KCND2: variants seen among roughly 807,000 people sequenced by gnomAD.
The protein encoded by KCND2 is potassium voltage-gated channel subfamily D member 2.
A neutral mutation model predicts 54.4 loss-of-function variants in KCND2; 16 were observed. That is an observed-to-expected ratio of 0.29 (90% CI 0.20 to 0.45). The LOEUF is 0.45. Among genes scored for constraint, KCND2 ranks in the 20% least tolerant of loss-of-function variants. The pLI is 1.00. For missense variants in KCND2, 486 were observed against 824.2 expected, an observed-to-expected ratio of 0.59 and a Z score of 5.02; for synonymous variants, 317 against 310.7, an observed-to-expected ratio of 1.02 and a Z score of -0.21.
chr7:120,450,366 G>A (rs376682973), intron 1 of KCND2, among the ~76,000 whole-genome samples: 7 of 152,110 alleles, frequency 4.6e-5, no homozygotes, highest in East Asian at 1.9e-4. Context: ...CCGAGATCGC[G>A]TCACTGCACT....
intron 1 of KCND2, among the ~76,000 whole-genome samples, chr7:120,480,146 A>C (rs2116278372): frequency 6.6e-6 from 1 of 152,150 alleles, no homozygotes; most frequent in Non-Finnish European, 1.5e-5. Context: ...AAATATAAAA[A>C]ATTATCTATT....
chr7:120,358,744 C>CCT (rs1800545348), intron 1 of KCND2, among the ~76,000 whole-genome samples: 1 of 152,086 alleles, frequency 6.6e-6, no homozygotes, highest in African/African-American at 2.4e-5. Context: ...GTCAGCCTTG[C>CCT]CTAAGGTTTG....
At chr7:120,514,162 G>A (rs1803162049) in intron 1 of KCND2, among the ~76,000 whole-genome samples, 1 of 151,828 alleles carries the variant, frequency 6.6e-6, no homozygotes, top group South Asian at 2.1e-4. Flanking sequence ...GAAAAGATGT[G>A]GCAAATCTGA....
intron 1 of KCND2, among the ~76,000 whole-genome samples, chr7:120,728,805 A>G (rs1792769514): frequency 4.6e-5 from 7 of 152,112 alleles, no homozygotes. Flanking sequence ...AGAATGAAAT[A>G]AATAATCCTA....
chr7:120,435,761 T>C (rs1234266996), intron 1 of KCND2, among the ~76,000 whole-genome samples: 1 of 152,106 alleles, frequency 6.6e-6, no homozygotes, highest in Non-Finnish European at 1.5e-5. Flanking sequence ...CCAGTCTCAA[T>C]GAAGCTCATC....
chr7:120,562,049 C>A (rs1374664370), intron 1 of KCND2, among the ~76,000 whole-genome samples: 1 of 152,140 alleles, frequency 6.6e-6, no homozygotes, highest in African/African-American at 2.4e-5. Flanking sequence ...TTTATTTGGA[C>A]AGATTCAACG....
chr7:120,347,789 A>C (rs923696381), intron 1 of KCND2, among the ~76,000 whole-genome samples: 2 of 152,132 alleles, frequency 1.3e-5, no homozygotes, highest in African/African-American at 2.4e-5. Flanking sequence ...TTTTCAGATA[A>C]AGATTATTGT....
intron 1 of KCND2, among the ~76,000 whole-genome samples, chr7:120,505,943 A>G (rs1436995191): frequency 6.6e-6 from 1 of 151,778 alleles, no homozygotes; most frequent in African/African-American, 2.4e-5. Flanking sequence ...CAAGAAAATT[A>G]AATACATTTA....
intron 1 of KCND2, among the ~76,000 whole-genome samples, chr7:120,521,216 C>A (rs1791687683): frequency 6.6e-6 from 1 of 151,930 alleles, no homozygotes; most frequent in Non-Finnish European, 1.5e-5. Context: ...TAAATATATT[C>A]TAATTTAAAA....
At chr7:120,711,522 C>G (rs1255817466) in intron 1 of KCND2, among the ~76,000 whole-genome samples, 1 of 152,062 alleles carries the variant, frequency 6.6e-6, no homozygotes, top group African/African-American at 2.4e-5. Flanking sequence ...CTTATGAAAA[C>G]AAGTAGAACT....
At chr7:120,730,195 A>G (rs1792787244) in intron 1 of KCND2, among the ~76,000 whole-genome samples, 1 of 152,156 alleles carries the variant, frequency 6.6e-6, no homozygotes, top group Non-Finnish European at 1.5e-5. Flanking sequence ...GTTTTTATTA[A>G]AAATCAAATC....
chr7:120,660,454 C>T (rs945896212), intron 1 of KCND2, among the ~76,000 whole-genome samples: 1 of 152,106 alleles, frequency 6.6e-6, no homozygotes, highest in African/African-American at 2.4e-5. Flanking sequence ...ATATTATTAC[C>T]TCCTATTTCT....
At chr7:120,456,447 TGA>T (rs1167704585) in intron 1 of KCND2, among the ~76,000 whole-genome samples, 3 of 152,212 alleles carry the variant, frequency 2.0e-5, no homozygotes, top group Non-Finnish European at 4.4e-5. Context: ...TACTTATCTT[TGA>T]GTTTTACAAC....
intron 1 of KCND2, among the ~76,000 whole-genome samples, chr7:120,367,627 C>T (rs1200940706): frequency 6.8e-6 from 1 of 147,036 alleles, no homozygotes. Flanking sequence ...CTATGGTTAA[C>T]ATCTTTTCTT....
chr7:120,386,193 AAC>A (rs1800985483), intron 1 of KCND2, among the ~76,000 whole-genome samples: 1 of 152,172 alleles, frequency 6.6e-6, no homozygotes, highest in East Asian at 1.9e-4. Flanking sequence ...AACTTGAAAG[AAC>A]ACACTAGAAT....
intron 1 of KCND2, among the ~76,000 whole-genome samples, chr7:120,635,022 A>G (rs577976912): frequency 2.6e-5 from 4 of 152,334 alleles, no homozygotes; most frequent in African/African-American, 9.6e-5. Flanking sequence ...TTCAAAATCT[A>G]CTAGTTGACA....
intron 1 of KCND2, among the ~76,000 whole-genome samples, chr7:120,279,687 A>G (rs1340902858): frequency 6.6e-6 from 1 of 151,918 alleles, no homozygotes; most frequent in Non-Finnish European, 1.5e-5. Flanking sequence ...GTGAATTACT[A>G]TTTTAAGGAA....
At position 120,624,892 on chromosome 7, in the gene KCND2, T is replaced by TG. The variant is rs1235675173; in HGVS notation, c.1116-108009dup. ...TGACATTTTCTCATAATACATTCAATGGTAGAGCAAGCAAGCAGTCATTGC... is the reference window on the plus strand; with the variant it reads ...TGACATTTTCTCATAATACATTCAATGGGTAGAGCAAGCAAGCAGTCATTGC... On this transcript the variant is annotated intron_variant, in intron 1 of 5. Transcript: ENST00000331113. Among the ~76,000 whole-genome samples, 4 of 152,056 alleles carry TG rather than the reference T, an allele frequency of 2.6e-5. No homozygotes were observed. The East Asian group carries it at 7.7e-4, about 29-fold the overall frequency.
intron 1 of KCND2, among the ~76,000 whole-genome samples, chr7:120,514,580 G>A (rs1228643900): frequency 6.6e-6 from 1 of 152,040 alleles, no homozygotes; most frequent in Non-Finnish European, 1.5e-5. Context: ...ACACAATCAT[G>A]TGAAGTTTTT....
Sources: allele counts gnomAD v4.1 joint callset (sites outside exome capture counted in the v4.1 genomes callset), GRCh38; gene constraint gnomAD v4.1.1; transcripts MANE v1.5; gene names NCBI Gene and HGNC (gene_info 2026-07-23, HGNC 2026-07-21).